Variants in C5 observed in about 807,000 individuals in gnomAD.
The protein encoded by C5 is C3 and PZP-like alpha-2-macroglobulin domain-containing protein 4.
A neutral mutation model predicts 218.8 loss-of-function variants in C5; 140 were observed. The ratio of observed to expected loss-of-function variants is 0.64; its 90% CI spans 0.56 to 0.74. The LOEUF (loss-of-function observed/expected upper bound fraction) is 0.74. Among genes scored for constraint, C5 ranks in the 30% least tolerant of loss-of-function variants. The pLI, the probability that C5 is intolerant of heterozygous loss-of-function variation, is 0.00. For synonymous variants in C5, 614 were observed against 682.3 expected (o/e 0.90, Z 1.56); for missense variants, 1,700 against 1,969.6 (o/e 0.86, Z 2.59).
rs559640607 is a variant in C5 at position 121,017,918 on chromosome 9, T to C, written c.1507-66A>G. ...ACAAACAAAAACAAAACCTGTGCTT[T>C]AGGATGCAGCCTGGAGCTGGAGCAG... On this transcript the variant is annotated intron_variant, in intron 12 of 40. Transcript: ENST00000223642. 3 of 1,011,662 alleles carry C rather than the reference T, an allele frequency of 3.0e-6. No homozygotes were observed. In the East Asian group the frequency reaches 7.3e-5, roughly 25 times the overall value. The allele number at this position is 1,011,662 out of a possible 1,614,324, so 62.7% of individuals were successfully genotyped here.
At chr9:120,953,962 A>T (rs986087009) in intron 39 of C5, 94 bp from the exon 40 acceptor site, 1 of 1,336,330 alleles carries the variant, frequency 7.5e-7, no homozygotes, top group Non-Finnish European at 1.1e-6. Context: ...GTGGCTATTG[A>T]GAGGTTCATG....
chr9:121,046,424 G>T, intron 1 of C5, 41 bp from the exon 2 acceptor site: 3 of 1,384,352 alleles, frequency 2.2e-6, no homozygotes, highest in South Asian at 2.3e-5. Flanking sequence ...GTCTTTATAT[G>T]ACATATTTTC....
At chr9:121,002,246 A>ATATATATGTATATATG (rs1224217851) in intron 20 of C5, among the ~76,000 whole-genome samples, 2 of 41,696 alleles carry the variant, frequency 4.8e-5, no homozygotes, top group Non-Finnish European at 1.1e-4. Flanking sequence ...ATGTATATGT[A>ATATATATGTATATATG]TATATATGTA....
At position 121,037,912 on chromosome 9, in the gene C5, G is replaced by A; in HGVS notation, c.461C>T (p.Pro154Leu). 6.5e-7 allele frequency: 1 copy of A among 1,531,668 alleles called. No homozygotes were observed. Among genetic ancestry groups the A allele is most frequent in the Non-Finnish European group, 8.9e-7 (1 of 1,117,926 alleles). The allele number at this position is 1,531,668 out of a possible 1,614,324, so 94.9% of individuals were successfully genotyped here. ...RVYSLNDDLKPAKRETVLTFI... is the reference protein window; with the variant it reads ...RVYSLNDDLKLAKRETVLTFI... Reference sequence around the variant, plus strand: ...AGTTAAGACAGTTTCTCTTTTGGCTGGCTTCAAGTCGTCATTCAACGAATA... The same window carrying A: ...AGTTAAGACAGTTTCTCTTTTGGCTAGCTTCAAGTCGTCATTCAACGAATA... The change falls in exon 4 of 41, where the codon CCA becomes CTA. Residue 154 changes from proline to leucine, a missense_variant. Physicochemically the swap from Pro to Leu is moderately conservative, Grantham distance 98 (BLOSUM62 -3). Coordinates refer to ENST00000223642, the MANE Select transcript of C5 (RefSeq NM_001735.3).
At chr9:121,044,407 C>T (rs1191015555) in intron 2 of C5, among the ~76,000 whole-genome samples, 1 of 152,002 alleles carries the variant, frequency 6.6e-6, no homozygotes, top group Non-Finnish European at 1.5e-5. Context: ...ACCTGGGAGG[C>T]GAAGGCTGCA....
At chr9:121,017,320 C>A in intron 14 of C5, 42 bp downstream of exon 14, 1 of 1,611,428 alleles carries the variant, frequency 6.2e-7, no homozygotes, top group South Asian at 1.1e-5. Flanking sequence ...GCCTGGTGGC[C>A]ACACTTCATG....
rs986010249 is a variant in C5, at chr9:121,006,164, T to C, written c.2423-106A>G. The stretch of plus-strand genomic sequence containing the variant: ...TTGCTTTACTTCAAGGAAAAAATAA[T>C]ATTAGATCATGTTTTTCTCTGAACT... On this transcript the variant is annotated intron_variant, in intron 19 of 40. Coordinates refer to ENST00000223642, the MANE Select transcript of C5 (RefSeq NM_001735.3). The C allele has an allele frequency of 2.6e-5, 28 of 1,064,240 alleles. No homozygotes were observed. The East Asian group carries it at 7.0e-4, about 27-fold the overall frequency. 65.9% of individuals were successfully genotyped at this position (1,064,240 alleles called of 1,614,324 possible). A position where few individuals can be genotyped will look rare whatever the true frequency, so the allele number is the denominator to read the frequency against.
Position 120,962,782 on chromosome 9 carries a change from T to C in C5, c.4399-6A>G. 6.2e-7 allele frequency: 1 copy of C among 1,610,816 alleles called. No homozygotes were observed. Among genetic ancestry groups the C allele is most frequent in the South Asian group, 1.1e-5 (1 of 91,016 alleles). ...AGGAAATCACTGGAGGGAATCTGTT[T>C]AACAAATTCAAGGATTTAAGGAAAT... On this transcript the variant is annotated splice_polypyrimidine_tract_variant and splice_region_variant and intron_variant, in intron 35 of 40. Coordinates refer to ENST00000223642, the MANE Select transcript of C5 (RefSeq NM_001735.3).
chr9:120,989,164 C>T lies in C5; in HGVS notation c.3155-43G>A, dbSNP rs202059667. 1.9e-5 allele frequency: 28 copies of T among 1,462,690 alleles called. No homozygotes were observed. The African/African-American group carries it at 2.6e-4, about 14-fold the overall frequency. 90.6% of individuals were successfully genotyped at this position (1,462,690 alleles called of 1,614,324 possible). On this transcript the variant is annotated intron_variant, in intron 24 of 40. Transcript: ENST00000223642. ...AAGAACACGGTGCTTAACAGACCTC[C>T]GTTTCTACTCAAAGAACACTTTATC...
At position 120,981,859 on chromosome 9, in the gene C5, A is replaced by G; in HGVS notation, c.3471T>C (p.Asp1157=). The change falls in exon 27 of 41, where the codon GAT becomes GAC. Residue 1157 remains aspartate, a synonymous_variant. Transcript: ENST00000223642. ...TCTTACTTACCACCAGGGGGCATAT[A>G]TCGAAAGCCTTTCTAATTCCAATCA... ...FTVIGIRKAF[D]ICPLVKIDTA... The G allele has an allele frequency of 6.2e-7, 1 of 1,613,226 alleles. No homozygotes were observed. Among genetic ancestry groups the G allele is most frequent in the Non-Finnish European group, 8.5e-7 (1 of 1,179,144 alleles).
chr9:120,989,565 TAC>T lies in C5; in HGVS notation c.3154+1_3154+2del, dbSNP rs1587963458. On this transcript the variant is annotated splice_donor_variant, in intron 24 of 40. Transcript: ENST00000223642. LOFTEE classifies it high-confidence loss of function. ...TTTTATGTGAAATACTTTTTTTTTTTACCTTCTTTTAATTTTTTCTTCAGTTT... is the reference window on the plus strand; with the variant it reads ...TTTTATGTGAAATACTTTTTTTTTTTCTTCTTTTAATTTTTTCTTCAGTTT... The T allele has an allele frequency of 2.6e-6, 4 of 1,564,860 alleles. No individual in the cohort carries two copies. Among genetic ancestry groups the T allele is most frequent in the Admixed American group, 1.7e-5 (1 of 59,040 alleles).
At chr9:121,025,657 T>C (rs1166903240) in intron 8 of C5, 77 bp from the exon 9 acceptor site, 2 of 1,389,896 alleles carry the variant, frequency 1.4e-6, no homozygotes, top group African/African-American at 2.8e-5. Context: ...CTGCTTTTAC[T>C]AACCTCTAAA....
Position 121,032,144 on chromosome 9 carries a change from A to G in C5, c.636T>C (p.Thr212=), listed in dbSNP as rs1328573462. ...CTTTAACTTCAAAATATGCGGTTCC[A>G]GTTGTTGAAAAGTCCTCTTTATATT... ...KAKYKEDFST[T]GTAYFEVKEY... The change falls in exon 6 of 41, where the codon ACT becomes ACC. Residue 212 remains threonine (T), a synonymous_variant. Coordinates refer to ENST00000223642, the MANE Select transcript of C5 (RefSeq NM_001735.3). The G allele has an allele frequency of 1.2e-6, 2 of 1,606,620 alleles. No individual in the cohort carries two copies. The highest frequency in any genetic ancestry group is 2.7e-5 in the African/African-American group (2 of 74,766).
At chr9:120,997,453 C>G (rs566872653) in intron 21 of C5, 94 bp downstream of exon 21, 3 of 972,278 alleles carry the variant, frequency 3.1e-6, no homozygotes, top group Non-Finnish European at 4.8e-6. Flanking sequence ...CTTAATGTTT[C>G]GTTAAATTTA....
intron 33 of C5, among the ~76,000 whole-genome samples, chr9:120,966,021 G>A (rs555722169): frequency 2.4e-4 from 36 of 152,270 alleles, no homozygotes; most frequent in Non-Finnish European, 4.9e-4. Context: ...GTAAATACAC[G>A]AAAGAGACCC....
chr9:120,970,059 A>G, intron 32 of C5, 111 bp downstream of exon 32: 1 of 747,510 alleles, frequency 1.3e-6, no homozygotes, highest in South Asian at 1.5e-5. Flanking sequence ...GTATTTGGTT[A>G]AGAAATTTCA....
In C5 at chr9:120,989,112, C is replaced by T. The variant is rs756823047; in HGVS notation, c.3164G>A (p.Ser1055Asn). Reference protein sequence around the residue: ...LKKKLKEGMLSIMSYRNADYS... With the variant: ...LKKKLKEGMLNIMSYRNADYS... ...GTCAGCATTTCTGTAGGACATAATG[C>T]TCAACATCCCTAAGAAGCACAAGAA... is the stretch of plus-strand genomic sequence containing the variant. The change falls in exon 25 of 41, where the codon AGC becomes AAC. Residue 1055 changes from serine (S) to asparagine (N), a missense_variant. Transcript: ENST00000223642. 3 of 1,613,116 alleles carry T rather than the reference C, an allele frequency of 1.9e-6. No individual in the cohort carries two copies. Among genetic ancestry groups the T allele is most frequent in the South Asian group, 2.2e-5 (2 of 91,058 alleles).
chr9:121,032,195 T>A lies in C5; in HGVS notation c.585A>T (p.Arg195Ser). The A allele has an allele frequency of 6.4e-7, 1 of 1,570,232 alleles. No homozygotes were observed. The highest frequency in any genetic ancestry group is 8.8e-7 in the Non-Finnish European group (1 of 1,140,452). ...FPDFKIPSNP[R>S]YGMWTIKAKY... ...TAGCCTTGATCGTCCACATACCATA[T>A]CTGTGGAAGCAAAATATTTAAAATT... is the stretch of plus-strand genomic sequence containing the variant. Residue 195 changes from arginine to serine, a missense_variant and splice_region_variant, in exon 6 of 41, where the codon AGA (arginine) becomes AGT (serine). Arg to Ser is a moderately radical substitution (Grantham distance 110). Transcript: ENST00000223642.
intron 19 of C5, 57 bp downstream of exon 19, chr9:121,006,847 T>C (rs2047219731): frequency 1.7e-6 from 2 of 1,176,080 alleles, no homozygotes; most frequent in Non-Finnish European, 2.6e-6. Context: ...TAACAAAGAA[T>C]TACATCTTGC....
Sources: allele counts gnomAD v4.1 joint callset (sites outside exome capture counted in the v4.1 genomes callset), GRCh38; gene constraint gnomAD v4.1.1; transcripts MANE v1.5; gene names NCBI Gene and HGNC (gene_info 2026-07-23, HGNC 2026-07-21).